The following ZNF680 variants were observed in gnomAD, a reference collection of about 807,000 sequenced individuals.
The protein encoded by ZNF680 is zinc finger protein 680.
In ZNF680, 6 loss-of-function variants were observed where a neutral mutation model predicts 12.1. The observed-to-expected ratio is 0.49, with a 90% CI of 0.27 to 0.98. The LOEUF is 0.98. Among genes scored for constraint, ZNF680 ranks in the 50% least tolerant of loss-of-function variants. The pLI, the probability that ZNF680 is intolerant of heterozygous loss-of-function variation, is 0.12. For missense variants in ZNF680, 561 were observed against 616.3 expected (o/e 0.91, Z 0.95); for synonymous variants, 170 against 199.3 (o/e 0.85, Z 1.24).
Position 64,562,811 on chromosome 7 carries a change from C to A in ZNF680, c.30+114G>T. On this transcript the variant is annotated intron_variant, in intron 1 of 3. Transcript: ENST00000309683. ...GGACCGAGCTGCGCCAAGGACAACTCGGGCCGCGGATTTTGGAGCCCAGTG... is the reference window on the plus strand; with the variant it reads ...GGACCGAGCTGCGCCAAGGACAACTAGGGCCGCGGATTTTGGAGCCCAGTG... 5.6e-6 allele frequency: 7 copies of A among 1,255,442 alleles called. No individual in the cohort carries two copies. The East Asian group carries it at 7.1e-5, about 13-fold the overall frequency. 77.8% of individuals were successfully genotyped at this position (1,255,442 alleles called of 1,614,324 possible).
At position 64,549,300 on chromosome 7, in the gene ZNF680, C is replaced by T. The variant is rs567234438; in HGVS notation, c.31-4868G>A. On this transcript the variant is annotated intron_variant, in intron 1 of 3. Transcript: ENST00000309683. Reference sequence around the variant, plus strand: ...TGGATACTCTGTGGCCTTGCTCTCTCACTCCTAAGATGCTTGTTTACACTT... The same window carrying T: ...TGGATACTCTGTGGCCTTGCTCTCTTACTCCTAAGATGCTTGTTTACACTT... Among the ~76,000 whole-genome samples, 116 of 152,254 alleles carry T rather than the reference C, an allele frequency of 7.6e-4. No homozygotes were observed. In the South Asian group the frequency reaches 8.7e-3, roughly 11 times the overall value.
At chr7:64,524,821 G>A (rs1215939422) in intron 3 of ZNF680, 2 of 152,050 alleles carry the variant, frequency 1.3e-5, no homozygotes, top group Non-Finnish European at 2.9e-5. Flanking sequence ...AATTTTTATG[G>A]ATTACTTTCT....
At chr7:64,536,209 G>T (rs567696432) in intron 3 of ZNF680, among the ~76,000 whole-genome samples, 48 of 152,214 alleles carry the variant, frequency 3.2e-4, no homozygotes, top group African/African-American at 1.1e-3. Flanking sequence ...TAAGAGAAAA[G>T]ATTAATAAGA....
chr7:64,547,167 T>C (rs111706348), intron 1 of ZNF680, among the ~76,000 whole-genome samples: 1 of 152,214 alleles, frequency 6.6e-6, no homozygotes, highest in Non-Finnish European at 1.5e-5. Flanking sequence ...CTCTATGTAA[T>C]GTGATTCTGC....
chr7:64,526,796 A>T lies in ZNF680; in HGVS notation c.254-4296T>A, dbSNP rs191488978. Among the ~76,000 whole-genome samples the T allele has an allele frequency of 1.1e-4, 17 of 152,340 alleles. No homozygotes were observed. In the East Asian group the frequency reaches 3.3e-3, roughly 29 times the overall value. On this transcript the variant is annotated intron_variant, in intron 3 of 3. Coordinates refer to ENST00000309683, the MANE Select transcript of ZNF680 (RefSeq NM_178558.5). Reference sequence around the variant, plus strand: ...AACTGGAAAACATATTAGTTTTTGCATTAAATTGAAGTTGTTATGAAATTA... The same window carrying T: ...AACTGGAAAACATATTAGTTTTTGCTTTAAATTGAAGTTGTTATGAAATTA...
intron 1 of ZNF680, among the ~76,000 whole-genome samples, chr7:64,548,747 G>A (rs1353702754): frequency 6.6e-6 from 1 of 152,118 alleles, no homozygotes; most frequent in Non-Finnish European, 1.5e-5. Flanking sequence ...ATGCCTAGGT[G>A]ATTGTGAGAG....
chr7:64,557,227 G>A (rs1439509399), intron 1 of ZNF680, among the ~76,000 whole-genome samples: 2 of 151,496 alleles, frequency 1.3e-5, no homozygotes, highest in Non-Finnish European at 2.9e-5. Flanking sequence ...CTCCAGACTG[G>A]GCGACAGAGC....
chr7:64,528,059 T>C (rs938079385), intron 3 of ZNF680, among the ~76,000 whole-genome samples: 21 of 151,958 alleles, frequency 1.4e-4, no homozygotes, highest in Middle Eastern at 3.2e-3. Context: ...AAGGTCTAGT[T>C]TGTGGGAGAA....
chr7:64,513,169 T>C, the ZNF680 span, among the ~76,000 whole-genome samples: 1 of 152,148 alleles, frequency 6.6e-6, no homozygotes, highest in African/African-American at 2.4e-5. Flanking sequence ...GGTTTTACAT[T>C]CAAGTTAAAA....
chr7:64,525,786 T>C (rs1359153174), intron 3 of ZNF680: 1 of 974,030 alleles, frequency 1.0e-6, no homozygotes, highest in African/African-American at 1.8e-5. Flanking sequence ...TATAGATCCA[T>C]GAATAAATAG....
At chr7:64,524,043 GAGAGAAGA>G (rs746521638) in intron 3 of ZNF680, among the ~76,000 whole-genome samples, 4 of 143,656 alleles carry the variant, frequency 2.8e-5, no homozygotes, top group African/African-American at 4.9e-5. Context: ...TTAATCAAAT[GAGAGAAGA>G]AGAGGTCAAA....
At chr7:64,552,696 T>C (rs1359140263) in intron 1 of ZNF680, among the ~76,000 whole-genome samples, 1 of 152,236 alleles carries the variant, frequency 6.6e-6, no homozygotes, top group Non-Finnish European at 1.5e-5. Context: ...TTGTGAAAAT[T>C]TTCTTTAACC....
chr7:64,551,749 T>C (rs1413705619), intron 1 of ZNF680: 2 of 153,828 alleles, frequency 1.3e-5, no homozygotes, highest in African/African-American at 2.4e-5. Flanking sequence ...ACTCAAAGCA[T>C]TGGAGAGAAA....
rs1268433393 is a variant in ZNF680, at chr7:64,522,349, G to A, written c.405C>T (p.Phe135=). 1.8e-5 allele frequency: 29 copies of A among 1,612,724 alleles called. No individual in the cohort carries two copies. The highest frequency in any genetic ancestry group is 2.5e-5 in the Non-Finnish European group (29 of 1,179,402). ...SCKSVDESKV[F]KEGYNELNQC... is the part of the protein sequence containing the mutation. ...GGTTAAGTTCATTATAACCTTCTTT[G>A]AACACCTTAGACTCATCCACACTTT... The change falls in exon 4 of 4, where the codon TTC becomes TTT. Residue 135 remains phenylalanine (F), a synonymous_variant. Transcript: ENST00000309683.
At chr7:64,506,137 GATC>G in the ZNF680 span, among the ~76,000 whole-genome samples, 1 of 151,826 alleles carries the variant, frequency 6.6e-6, no homozygotes. Context: ...GAATCTTGAG[GATC>G]ATGTTAGAAT....
intron 1 of ZNF680, among the ~76,000 whole-genome samples, chr7:64,553,775 C>T (rs552049732): frequency 3.9e-5 from 6 of 152,300 alleles, no homozygotes; most frequent in East Asian, 1.9e-4. Flanking sequence ...TTGGTGGAGA[C>T]GGGGTTTCGC....
In ZNF680 at chr7:64,521,201, T is replaced by C. The variant is rs1456963739; in HGVS notation, c.1553A>G (p.Tyr518Cys). The change falls in exon 4 of 4, where the codon TAC becomes TGC. Residue 518 changes from tyrosine to cysteine, a missense_variant. Transcript: ENST00000309683. ...HKKIHTGEKLYKPEKCDNNFD... is the reference protein window; with the variant it reads ...HKKIHTGEKLCKPEKCDNNFD... ...ATTATTGTCACATTTTTCAGGTTTGTAGAGTTTCTCACCAGTATGAATTTT... is the reference window on the plus strand; with the variant it reads ...ATTATTGTCACATTTTTCAGGTTTGCAGAGTTTCTCACCAGTATGAATTTT... The C allele has an allele frequency of 1.9e-6, 3 of 1,612,526 alleles. No individual in the cohort carries two copies. Among genetic ancestry groups the C allele is most frequent in the African/African-American group, 2.7e-5 (2 of 74,822 alleles).
At chr7:64,544,558 C>A in intron 1 of ZNF680, 126 bp from the exon 2 acceptor site, 1 of 1,429,722 alleles carries the variant, frequency 7.0e-7, no homozygotes, top group Non-Finnish European at 9.2e-7. Flanking sequence ...TTCTGACTTA[C>A]AGGAGTGAGT....
At chr7:64,535,411 G>A (rs1390484893) in intron 3 of ZNF680, among the ~76,000 whole-genome samples, 1 of 135,174 alleles carries the variant, frequency 7.4e-6, no homozygotes, top group African/African-American at 2.7e-5. Flanking sequence ...AAGAAGGAAA[G>A]AAGGAAGGGA....
Sources: gnomAD v4.1 joint callset for allele counts (sites outside exome capture counted in the v4.1 genomes callset) on GRCh38, gnomAD v4.1.1 for gene constraint, MANE v1.5 for transcripts, NCBI Gene and HGNC (gene_info 2026-07-23, HGNC 2026-07-21) for gene names.